The following TXNDC16 variants were observed in gnomAD, a reference collection of about 807,000 sequenced individuals.
TXNDC16 encodes the protein thioredoxin domain-containing protein 16.
TXNDC16 carries 74 observed loss-of-function variants against 85.6 expected under a neutral mutation model. The ratio of observed to expected loss-of-function variants is 0.86; its 90% CI spans 0.72 to 1.05. TXNDC16 has a LOEUF of 1.05. TXNDC16 is among the 50% of genes least tolerant of loss of function. The pLI, the probability that TXNDC16 is intolerant of heterozygous loss-of-function variation, is 0.00. For missense variants in TXNDC16, 959 were observed against 947.0 expected (o/e 1.01, Z -0.17); for synonymous variants, 335 against 326.5 (o/e 1.03, Z -0.28).
chr14:52,530,247 A>ATTATATAATAAT (rs1491407146), intron 6 of TXNDC16, among the ~76,000 whole-genome samples: 499 of 45,934 alleles, frequency 0.011, 2 homozygotes, highest in Non-Finnish European at 0.013. Context: ...AATAATATAT[A>ATTATATAATAAT]ATATATATTA....
At position 52,542,354 on chromosome 14, in the gene TXNDC16, C is replaced by T; in HGVS notation, c.243+17G>A. On this transcript the variant is annotated intron_variant, in intron 4 of 20. Coordinates refer to ENST00000281741, the MANE Select transcript of TXNDC16 (RefSeq NM_020784.3). The stretch of plus-strand genomic sequence containing the variant: ...ATGTTCGTCACTAATATTTTAGTAA[C>T]ATAAATATCTTTCTACCTTGGCAAC... The T allele has an allele frequency of 6.4e-7, 1 of 1,557,488 alleles. No individual in the cohort carries two copies.
chr14:52,457,703 T>C (rs2035565939), intron 16 of TXNDC16, among the ~76,000 whole-genome samples: 1 of 152,226 alleles, frequency 6.6e-6, no homozygotes, highest in Non-Finnish European at 1.5e-5. Flanking sequence ...TTCCTACATT[T>C]TCTCTAATGT....
At chr14:52,441,531 C>T (rs1321164970) in intron 18 of TXNDC16, among the ~76,000 whole-genome samples, 2 of 151,958 alleles carry the variant, frequency 1.3e-5, no homozygotes, top group African/African-American at 4.8e-5. Flanking sequence ...ATCGCTTGAA[C>T]CCAGGAGAGG....
intron 6 of TXNDC16, among the ~76,000 whole-genome samples, chr14:52,529,886 AATTATAT>A (rs546376518): frequency 0.013 from 1,363 of 103,520 alleles, 25 homozygotes; most frequent in African/African-American, 0.041. Flanking sequence ...TATATATATG[AATTATAT>A]ATTATATATT....
intron 16 of TXNDC16, among the ~76,000 whole-genome samples, chr14:52,468,513 A>G (rs536305746): frequency 6.6e-6 from 1 of 152,334 alleles, no homozygotes; most frequent in African/African-American, 2.4e-5. Context: ...AAACAAAATG[A>G]CAAAAGCTTA....
At chr14:52,504,431 A>C (rs2140172693) in intron 9 of TXNDC16, among the ~76,000 whole-genome samples, 1 of 152,342 alleles carries the variant, frequency 6.6e-6, no homozygotes, top group Non-Finnish European at 1.5e-5. Context: ...TTCTTAAAGA[A>C]AAGAATTTTC....
chr14:52,503,706 T>C (rs529915219), intron 9 of TXNDC16, among the ~76,000 whole-genome samples: 1 of 152,184 alleles, frequency 6.6e-6, no homozygotes, highest in South Asian at 2.1e-4. Context: ...TCACCAGCAA[T>C]GGAACAAAGC....
chr14:52,438,288 A>G (rs2035079446), intron 20 of TXNDC16, among the ~76,000 whole-genome samples: 1 of 152,228 alleles, frequency 6.6e-6, no homozygotes. Flanking sequence ...AAACAGCATC[A>G]TATACTACAG....
intron 19 of TXNDC16, among the ~76,000 whole-genome samples, chr14:52,439,956 T>C (rs1460086073): frequency 6.6e-6 from 1 of 152,190 alleles, no homozygotes; most frequent in Non-Finnish European, 1.5e-5. Flanking sequence ...TACTCTTAGA[T>C]ACCTGTAATG....
intron 1 of TXNDC16, among the ~76,000 whole-genome samples, chr14:52,548,680 G>C (rs533500756): frequency 1.3e-5 from 2 of 151,984 alleles, no homozygotes; most frequent in Non-Finnish European, 2.9e-5. Flanking sequence ...TCAGGAGTTC[G>C]AGACCAGCCT....
At chr14:52,465,996 A>G (rs773942478) in intron 16 of TXNDC16, among the ~76,000 whole-genome samples, 2 of 152,208 alleles carry the variant, frequency 1.3e-5, no homozygotes, top group Admixed American at 6.5e-5. Flanking sequence ...TGGTGAGTAT[A>G]TGGGTGTTCA....
chr14:52,452,125 G>C (rs2140112107), intron 18 of TXNDC16, among the ~76,000 whole-genome samples: 1 of 152,176 alleles, frequency 6.6e-6, no homozygotes, highest in Admixed American at 6.5e-5. Context: ...ATTAACTAAA[G>C]AAGTGAAAGA....
At chr14:52,524,911 C>T (rs1410429171) in intron 6 of TXNDC16, among the ~76,000 whole-genome samples, 8 of 151,382 alleles carry the variant, frequency 5.3e-5, no homozygotes, top group Non-Finnish European at 2.9e-5. Context: ...ACCTGGGGTC[C>T]GGAGTTTGAG....
At chr14:52,482,381 T>C in intron 13 of TXNDC16, 92 bp from the exon 14 acceptor site, 1 of 1,060,682 alleles carries the variant, frequency 9.4e-7, no homozygotes, top group African/African-American at 1.6e-5. Flanking sequence ...TTATGAGGTT[T>C]CCCAAAATTA....
intron 9 of TXNDC16, among the ~76,000 whole-genome samples, chr14:52,498,427 A>G (rs1214662965): frequency 5.3e-5 from 8 of 151,826 alleles, no homozygotes; most frequent in Non-Finnish European, 1.2e-4. Flanking sequence ...ACACACACAC[A>G]CACACACACA....
chr14:52,459,258 A>C (rs1566538760), intron 16 of TXNDC16, among the ~76,000 whole-genome samples: 1 of 152,178 alleles, frequency 6.6e-6, no homozygotes, highest in African/African-American at 2.4e-5. Flanking sequence ...AGAGCTGAGA[A>C]GCAAGAAAAC....
At chr14:52,542,317 T>C in intron 4 of TXNDC16, 54 bp downstream of exon 4, 2 of 1,179,926 alleles carry the variant, frequency 1.7e-6, no homozygotes, top group South Asian at 1.3e-5. Flanking sequence ...TCTTAAGCCA[T>C]AAAGTTGTAA....
chr14:52,481,816 T>C (rs78364900), intron 14 of TXNDC16, among the ~76,000 whole-genome samples: 2,345 of 152,244 alleles, frequency 0.015, 49 homozygotes, highest in African/African-American at 0.053. Flanking sequence ...GAGTAAACTA[T>C]ATAGTTTCAA....
At chr14:52,521,784 G>A (rs904720860) in intron 6 of TXNDC16, among the ~76,000 whole-genome samples, 1 of 152,048 alleles carries the variant, frequency 6.6e-6, no homozygotes, top group Non-Finnish European at 1.5e-5. Flanking sequence ...TATGTGCTAG[G>A]TATTTTCAGG....
Sources: gnomAD v4.1 joint callset for allele counts (sites outside exome capture counted in the v4.1 genomes callset) on GRCh38, gnomAD v4.1.1 for gene constraint, MANE v1.5 for transcripts, NCBI Gene and HGNC (gene_info 2026-07-23, HGNC 2026-07-21) for gene names.